Variants in MCM8 observed in about 807,000 individuals in gnomAD.
MCM8 encodes DNA helicase MCM8.
In MCM8, 85 loss-of-function variants were observed where a neutral mutation model predicts 98.9. The ratio of observed to expected loss-of-function variants is 0.86; its 90% CI spans 0.72 to 1.03. MCM8 has a LOEUF of 1.03. Ranked by LOEUF, MCM8 falls within the 50% of genes least tolerant of loss-of-function variation. MCM8 has a pLI of 0.00. For synonymous variants in MCM8, 352 were observed against 338.6 expected (o/e 1.04, Z -0.44); for missense variants, 951 against 997.8 (o/e 0.95, Z 0.63).
At position 5,993,903 on chromosome 20, in the gene MCM8, CTTT is replaced by C. The variant is rs1159069723; in HGVS notation, c.2430+210_2430+212del. 3 of 443,450 alleles carry C rather than the reference CTTT, an allele frequency of 6.8e-6. No homozygotes were observed. The Admixed American group carries it at 1.1e-4, about 17-fold the overall frequency. 27.5% of individuals were successfully genotyped at this position (443,450 alleles called of 1,614,324 possible). ...TCTTGTGGATATGTCATTTTAACAT[CTTT>C]TAACGTTGCATCCCTCATCTGTTAA... On this transcript the variant is annotated intron_variant, in intron 18 of 18. Transcript: ENST00000610722.
intron 13 of MCM8, 38 bp from the exon 14 acceptor site, chr20:5,982,930 GAA>G (rs761955375): frequency 6.4e-7 from 1 of 1,554,242 alleles, no homozygotes; most frequent in Non-Finnish European, 8.7e-7. Flanking sequence ...CTTGACCAAA[GAA>G]AAAATGTTTT....
intron 7 of MCM8, among the ~76,000 whole-genome samples, chr20:5,961,902 C>T (rs990934097): frequency 7.2e-5 from 11 of 152,170 alleles, no homozygotes; most frequent in Non-Finnish European, 1.0e-4. Context: ...TCTCTATTCC[C>T]GCCACTATTG....
At chr20:5,951,544 A>G (rs236189) in intron 1 of MCM8, among the ~76,000 whole-genome samples, 40,846 of 152,134 alleles carry the variant, frequency 0.27, 7,236 homozygotes, top group African/African-American at 0.49. Context: ...TGCACAAAAA[A>G]TGGATGTGAC....
intron 10 of MCM8, among the ~76,000 whole-genome samples, chr20:5,971,432 A>T (rs572523913): frequency 2.4e-4 from 36 of 152,354 alleles, no homozygotes; most frequent in Non-Finnish European, 5.0e-4. Context: ...TGTCAACCAG[A>T]AAATGTTTAG....
At chr20:5,953,204 G>T (rs1182668038) in intron 3 of MCM8, among the ~76,000 whole-genome samples, 1 of 152,172 alleles carries the variant, frequency 6.6e-6, no homozygotes, top group Admixed American at 6.5e-5. Context: ...AATTTAAAGA[G>T]AATCTGAGAC....
Position 5,993,674 on chromosome 20 carries a change from T to G in MCM8, c.2409T>G (p.Ile803Met). 1 of 1,604,624 alleles carries G rather than the reference T, an allele frequency of 6.2e-7. No homozygotes were observed. The highest frequency in any genetic ancestry group is 1.1e-5 in the South Asian group (1 of 89,686). Residue 803 changes from isoleucine to methionine, a missense_variant, in exon 18 of 19, where the codon ATT (isoleucine) becomes ATG (methionine). Coordinates refer to ENST00000610722, the MANE Select transcript of MCM8 (RefSeq NM_032485.6). ...NIFQFHQLRQ[I>M]AKELNIQVAD... ...TTCAATTTCATCAACTTCGGCAGAT[T>G]GCCAAAGAACTAAACATTCAGGTAT...
intron 14 of MCM8, among the ~76,000 whole-genome samples, chr20:5,984,096 A>C (rs1342462657): frequency 6.6e-6 from 1 of 152,236 alleles, no homozygotes; most frequent in Non-Finnish European, 1.5e-5. Flanking sequence ...TTTCTCTTCT[A>C]ATTCATTCTG....
intron 17 of MCM8, among the ~76,000 whole-genome samples, chr20:5,989,588 T>TA (rs1176452386): frequency 1.3e-5 from 2 of 152,242 alleles, no homozygotes; most frequent in Non-Finnish European, 2.9e-5. Flanking sequence ...GCTCTCCATC[T>TA]AAATTGTGCA....
Position 5,976,536 on chromosome 20 carries a change from TAAA to T in MCM8, c.1396-1335_1396-1333del, listed in dbSNP as rs2089515300. Among the ~76,000 whole-genome samples, 3 of 152,176 alleles carry T rather than the reference TAAA, an allele frequency of 2.0e-5. No individual in the cohort carries two copies. In the East Asian group the frequency reaches 5.8e-4, roughly 29 times the overall value. ...TACAGAAGCAGAACTGGCAGAAAGT[TAAA>T]AAAATTAATTGGTTACAAATGCAGT... On this transcript the variant is annotated intron_variant, in intron 12 of 18. Transcript: ENST00000610722.
At chr20:5,973,550 T>TGC (rs2089448307) in intron 12 of MCM8, among the ~76,000 whole-genome samples, 1 of 152,256 alleles carries the variant, frequency 6.6e-6, no homozygotes, top group East Asian at 1.9e-4. Flanking sequence ...GGGTCACCTA[T>TGC]TCTCCCTCAT....
At chr20:5,975,167 G>A (rs2089482295) in intron 12 of MCM8, among the ~76,000 whole-genome samples, 1 of 152,102 alleles carries the variant, frequency 6.6e-6, no homozygotes, top group South Asian at 2.1e-4. Context: ...GCTGCAGCAG[G>A]ATGATTGCTT....
At chr20:5,962,286 T>G (rs552509050) in intron 7 of MCM8, among the ~76,000 whole-genome samples, 3 of 152,096 alleles carry the variant, frequency 2.0e-5, no homozygotes, top group Non-Finnish European at 4.4e-5. Flanking sequence ...CTGTGTCACA[T>G]TCTGTTGGTA....
At position 5,985,988 on chromosome 20, in the gene MCM8, C is replaced by T. The variant is rs751529603; in HGVS notation, c.2020C>T (p.Arg674Trp). 2.1e-5 allele frequency: 34 copies of T among 1,614,066 alleles called. No homozygotes were observed. The highest frequency in any genetic ancestry group is 2.7e-5 in the Non-Finnish European group (32 of 1,180,040). The change falls in exon 16 of 19, where the codon CGG becomes TGG. Residue 674 changes from arginine (R) to tryptophan (W), a missense_variant. By Grantham distance (101) the Arg-to-Trp change is moderately radical. Transcript: ENST00000610722. ...QLLRKYIGYARQYVYPRLSTE... is the reference protein window; with the variant it reads ...QLLRKYIGYAWQYVYPRLSTE... ...ATTGAGAAAGTACATTGGCTATGCTCGGCAGTATGTGTACCCAAGGCTATC... is the reference window on the plus strand; with the variant it reads ...ATTGAGAAAGTACATTGGCTATGCTTGGCAGTATGTGTACCCAAGGCTATC...
chr20:5,976,561 C>T (rs759368784), intron 12 of MCM8, among the ~76,000 whole-genome samples: 5 of 152,108 alleles, frequency 3.3e-5, no homozygotes, highest in African/African-American at 1.2e-4. Flanking sequence ...GTTACAAATG[C>T]AGTTACAAAA....
chr20:5,984,887 G>C lies in MCM8; in HGVS notation c.1840G>C (p.Ala614Pro). ...CTCTGAACATGTGATTGCAATAAGA[G>C]CTGGAAAGCAGAGAACCATTAGCAG... is the stretch of plus-strand genomic sequence containing the variant. ...LLSEHVIAIRAGKQRTISSAT... is the reference protein window; with the variant it reads ...LLSEHVIAIRPGKQRTISSAT... Residue 614 changes from alanine (A) to proline (P), a missense_variant, in exon 15 of 19, where the codon GCT becomes CCT. Ala to Pro is a conservative substitution (Grantham distance 27). Coordinates refer to ENST00000610722, the MANE Select transcript of MCM8 (RefSeq NM_032485.6). 1 of 1,614,122 alleles carries C rather than the reference G, an allele frequency of 6.2e-7. No homozygotes were observed. Among genetic ancestry groups the C allele is most frequent in the Non-Finnish European group, 8.5e-7 (1 of 1,180,000 alleles).
chr20:5,953,153 TC>T (rs2122640731), intron 3 of MCM8, among the ~76,000 whole-genome samples: 1 of 152,344 alleles, frequency 6.6e-6, no homozygotes, highest in East Asian at 1.9e-4. Context: ...TCCTTTCTCT[TC>T]CTGCCACCTT....
chr20:5,988,121 T>A (rs1456709438), intron 17 of MCM8, among the ~76,000 whole-genome samples: 3 of 152,154 alleles, frequency 2.0e-5, no homozygotes, highest in South Asian at 2.1e-4. Flanking sequence ...GATAAAAAAA[T>A]TTTTTTAATA....
chr20:5,952,379 A>G (rs1327111946), intron 2 of MCM8, 45 bp from the exon 3 acceptor site: 1 of 1,596,408 alleles, frequency 6.3e-7, no homozygotes, highest in Non-Finnish European at 8.6e-7. Flanking sequence ...ATATTGGAAA[A>G]ATGTTCACTC....
chr20:5,952,564 C>A (rs372283520), intron 3 of MCM8, 36 bp downstream of exon 3: 1 of 1,543,996 alleles, frequency 6.5e-7, no homozygotes, highest in Admixed American at 1.7e-5. Context: ...CACCATAAAT[C>A]ATATTTTCTT....
Sources: gnomAD v4.1 joint callset for allele counts (sites outside exome capture counted in the v4.1 genomes callset) on GRCh38, gnomAD v4.1.1 for gene constraint, MANE v1.5 for transcripts, NCBI Gene and HGNC (gene_info 2026-07-23, HGNC 2026-07-21) for gene names.